CACNA1C: variants seen among roughly 807,000 people sequenced by gnomAD.
CACNA1C encodes the protein voltage-dependent L-type calcium channel subunit alpha-1C.
CACNA1C carries 30 observed loss-of-function variants against 229.0 expected under a neutral mutation model. The ratio of observed to expected loss-of-function variants is 0.13; its 90% CI spans 0.10 to 0.18. The LOEUF (loss-of-function observed/expected upper bound fraction) is 0.18, where lower values mean the gene tolerates loss of function less well. Among genes scored for constraint, CACNA1C ranks in the 10% least tolerant of loss-of-function variants. The pLI is 1.00. For synonymous variants in CACNA1C, 1,114 were observed against 1,132.5 expected (o/e 0.98, Z 0.33); for missense variants, 1,658 against 2,845.0 (o/e 0.58, Z 9.49).
rs573839804 is a variant in CACNA1C, at chr12:2,578,520, T to C, written c.1896-3070T>C. On this transcript the variant is annotated intron_variant, in intron 13 of 46. Coordinates refer to ENST00000399655, the MANE Select transcript of CACNA1C (RefSeq NM_000719.7). ...TAGCAACACCCGCTGCTGCTGCAGCTTGGACATCAGCTGCCCGGAGCGGGG... is the reference window on the plus strand; with the variant it reads ...TAGCAACACCCGCTGCTGCTGCAGCCTGGACATCAGCTGCCCGGAGCGGGG... Among the ~76,000 whole-genome samples, 9 of 152,172 alleles carry C rather than the reference T, an allele frequency of 5.9e-5. No homozygotes were observed. In the South Asian group the frequency reaches 1.7e-3, roughly 28 times the overall value.
chr12:2,516,601 G>A (rs753707428), intron 9 of CACNA1C, among the ~76,000 whole-genome samples: 15 of 152,130 alleles, frequency 9.9e-5, no homozygotes, highest in South Asian at 2.1e-4. Flanking sequence ...ATTTGCAGAC[G>A]CGTCAGATAT....
intron 6 of CACNA1C, among the ~76,000 whole-genome samples, chr12:2,492,092 G>C (rs1200859786): frequency 6.6e-6 from 1 of 152,062 alleles, no homozygotes; most frequent in Non-Finnish European, 1.5e-5. Flanking sequence ...CTAAGGACAG[G>C]ACAATGTCCT....
intron 1 of CACNA1C, among the ~76,000 whole-genome samples, chr12:2,070,644 A>C (rs943923935): frequency 2.0e-5 from 3 of 152,210 alleles, no homozygotes; most frequent in African/African-American, 7.2e-5. Flanking sequence ...GTCTGCTGTC[A>C]GTCTAAATGA....
chr12:2,018,410 T>A (rs757409523), intron 1 of CACNA1C: 3 of 152,132 alleles, frequency 2.0e-5, no homozygotes, highest in Admixed American at 6.5e-5. Context: ...CTGGCCATGT[T>A]GAACAATCGG....
chr12:2,578,206 G>C (rs1029830773), intron 13 of CACNA1C, among the ~76,000 whole-genome samples: 1 of 152,198 alleles, frequency 6.6e-6, no homozygotes, highest in African/African-American at 2.4e-5. Context: ...GGGATAGAGC[G>C]GTGGCCAGGG....
At chr12:2,297,870 C>A (rs2094202369) in intron 3 of CACNA1C, among the ~76,000 whole-genome samples, 2 of 151,870 alleles carry the variant, frequency 1.3e-5, no homozygotes, top group South Asian at 4.2e-4. Context: ...AAAAAAAAAC[C>A]TAAAACCACA....
chr12:1,993,435 C>G, intron 1 of CACNA1C: 1 of 1,592,180 alleles, frequency 6.3e-7, no homozygotes, highest in Non-Finnish European at 8.6e-7. Flanking sequence ...AGACAAATTG[C>G]TTAGTATGCT....
At position 1,984,390 on chromosome 12, in the gene CACNA1C, T is replaced by C. The variant is rs572389879; in HGVS notation, c.139+13189T>C. Among the ~76,000 whole-genome samples the C allele has an allele frequency of 2.0e-5, 3 of 152,214 alleles. No individual in the cohort carries two copies. In the East Asian group the frequency reaches 5.8e-4, roughly 29 times the overall value. ...CTCTTGGTGATATCTCTATATTTCT[T>C]TTTAGTGGTTGCTCTAAGAAATACA... On this transcript the variant is annotated intron_variant, in intron 1 of 46. Coordinates refer to the CACNA1C transcript ENST00000682462.
rs1253564495 is a variant in CACNA1C at position 2,369,027 on chromosome 12, T to A, written c.478-79949T>A. Among the ~76,000 whole-genome samples the A allele has an allele frequency of 2.6e-5, 4 of 152,196 alleles. No individual in the cohort carries two copies. The East Asian group carries it at 7.7e-4, about 29-fold the overall frequency. On this transcript the variant is annotated intron_variant, in intron 3 of 46. Coordinates refer to ENST00000399655, the MANE Select transcript of CACNA1C (RefSeq NM_000719.7). ...TTGTTGGGGCATAAAATAAAATTTT[T>A]AAAAATAAATGTGTCCAAAATAACC... is the stretch of plus-strand genomic sequence containing the variant.
At chr12:2,388,071 T>C (rs1431754518) in intron 3 of CACNA1C, among the ~76,000 whole-genome samples, 1 of 152,062 alleles carries the variant, frequency 6.6e-6, no homozygotes, top group Non-Finnish European at 1.5e-5. Context: ...CTCACTTATA[T>C]GTGGAATCTA....
chr12:2,668,616 A>G, intron 37 of CACNA1C: 1 of 269,712 alleles, frequency 3.7e-6, no homozygotes, highest in Non-Finnish European at 7.1e-6. Flanking sequence ...ATCATGGTGG[A>G]AGGCAAAGGG....
At chr12:2,261,263 A>T (rs890241090) in intron 3 of CACNA1C, among the ~76,000 whole-genome samples, 3 of 152,132 alleles carry the variant, frequency 2.0e-5, no homozygotes, top group Non-Finnish European at 2.9e-5. Flanking sequence ...AACAAAAAAA[A>T]CTGATTGCAT....
At chr12:2,336,969 T>C (rs1404325897) in intron 3 of CACNA1C, among the ~76,000 whole-genome samples, 1 of 152,230 alleles carries the variant, frequency 6.6e-6, no homozygotes, top group Non-Finnish European at 1.5e-5. Flanking sequence ...ATTGGTGTTT[T>C]CTTGATTAGA....
intron 3 of CACNA1C, among the ~76,000 whole-genome samples, chr12:2,353,295 A>G (rs1176768819): frequency 7.9e-5 from 12 of 152,088 alleles, no homozygotes; most frequent in African/African-American, 2.7e-4. Flanking sequence ...GGCCTGACTC[A>G]CACAGCAGAG....
chr12:2,380,511 G>T (rs1594748432), intron 3 of CACNA1C, among the ~76,000 whole-genome samples: 1 of 152,290 alleles, frequency 6.6e-6, no homozygotes, highest in Middle Eastern at 3.4e-3. Flanking sequence ...CTCTCTGTCT[G>T]CAGCTGATGT....
chr12:2,609,953 GTC>G (rs1381475037), intron 27 of CACNA1C, among the ~76,000 whole-genome samples: 2 of 152,060 alleles, frequency 1.3e-5, no homozygotes, highest in Non-Finnish European at 2.9e-5. Flanking sequence ...GTGAAACCCC[GTC>G]TCTACTAAAA....
intron 1 of CACNA1C, among the ~76,000 whole-genome samples, chr12:2,087,681 G>A (rs1287749104): frequency 2.0e-5 from 3 of 152,200 alleles, no homozygotes; most frequent in Non-Finnish European, 4.4e-5. Context: ...GTTAAGTAAT[G>A]TGCTTTCCTA....
intron 2 of CACNA1C, among the ~76,000 whole-genome samples, chr12:2,119,684 G>C (rs541788212): frequency 6.6e-6 from 1 of 152,224 alleles, no homozygotes; most frequent in African/African-American, 2.4e-5. Context: ...TTTCTATGCT[G>C]TCTGTGAGAC....
intron 1 of CACNA1C, among the ~76,000 whole-genome samples, chr12:2,033,088 A>G (rs756253565): frequency 6.6e-5 from 10 of 152,230 alleles, no homozygotes; most frequent in East Asian, 5.8e-4. Flanking sequence ...GGTTAGGTGC[A>G]GTGATGTAGC....
Sources: gnomAD v4.1 joint callset for allele counts (sites outside exome capture counted in the v4.1 genomes callset) on GRCh38, gnomAD v4.1.1 for gene constraint, MANE v1.5 for transcripts, NCBI Gene and HGNC (gene_info 2026-07-23, HGNC 2026-07-21) for gene names.